ANK2: variants seen among roughly 807,000 people sequenced by gnomAD.
ANK2 encodes the protein ankyrin 2, also known as ankyrin-2.
Under a neutral mutation model 360.5 loss-of-function variants are expected in ANK2, and 83 were observed. The ratio of observed to expected loss-of-function variants is 0.23; its 90% CI spans 0.19 to 0.28. ANK2 has a LOEUF of 0.28. Among genes scored for constraint, ANK2 ranks in the 10% least tolerant of loss-of-function variants. The probability of loss-of-function intolerance (pLI) is 1.00; values close to 1 mark genes in which losing one functional copy is unlikely to be tolerated. For synonymous variants in ANK2, 1,740 were observed against 1,759.5 expected, an observed-to-expected ratio of 0.99 and a Z score of 0.28; for missense variants, 4,201 against 4,795.7, an observed-to-expected ratio of 0.88 and a Z score of 3.66.
In ANK2 at chr4:113,005,734, C is replaced by T. The variant is rs929779808; in HGVS notation, c.21+101220C>T. On this transcript the variant is annotated intron_variant, in intron 2 of 30. Coordinates refer to the ANK2 transcript ENST00000503271. ...TCCAAATCACATATTGAAATGTGAT[C>T]TGCAGTGTTGGAGGTGGGCCTAGTG... Among the ~76,000 whole-genome samples, 7 of 152,120 alleles carry T rather than the reference C, an allele frequency of 4.6e-5. 1 individual carries two copies. The highest frequency in any genetic ancestry group is 4.2e-4 in the South Asian group (2 of 4,812).
At chr4:112,949,231 A>C (rs914602942) in intron 2 of ANK2, among the ~76,000 whole-genome samples, 1 of 152,140 alleles carries the variant, frequency 6.6e-6, no homozygotes. Context: ...TAAAACTTGC[A>C]AACATCTCCA....
At chr4:112,857,581 C>A (rs2066758844) in intron 1 of ANK2, among the ~76,000 whole-genome samples, 1 of 152,092 alleles carries the variant, frequency 6.6e-6, no homozygotes. Flanking sequence ...ATATTCCAAG[C>A]CTTTCACACA....
chr4:112,947,187 T>G (rs1488957077), intron 2 of ANK2, among the ~76,000 whole-genome samples: 1 of 152,222 alleles, frequency 6.6e-6, no homozygotes, highest in Non-Finnish European at 1.5e-5. Flanking sequence ...TGTTATGCCC[T>G]TCAATGAATA....
the ANK2 span, among the ~76,000 whole-genome samples, chr4:112,751,643 G>A: frequency 6.6e-6 from 1 of 152,052 alleles, no homozygotes; most frequent in Non-Finnish European, 1.5e-5. Flanking sequence ...GAAGGGGGAA[G>A]CATAAGGAAA....
chr4:113,326,225 T>G (rs1400943940), intron 26 of ANK2, among the ~76,000 whole-genome samples: 1 of 152,190 alleles, frequency 6.6e-6, no homozygotes, highest in Non-Finnish European at 1.5e-5. Context: ...GTGGCACTTT[T>G]GGGTATTCTA....
intron 20 of ANK2, among the ~76,000 whole-genome samples, chr4:113,290,592 T>A (rs1264142713): frequency 6.6e-6 from 1 of 152,184 alleles, no homozygotes; most frequent in Non-Finnish European, 1.5e-5. Context: ...AAAAATTGTA[T>A]TTATTAAAGA....
intron 1 of ANK2, among the ~76,000 whole-genome samples, chr4:112,837,396 C>G (rs1159996566): frequency 6.6e-6 from 1 of 152,210 alleles, no homozygotes; most frequent in South Asian, 2.1e-4. Context: ...GCCCTCATGG[C>G]GAACCTCTGC....
At chr4:113,263,184 T>A (rs1240433458) in intron 13 of ANK2, among the ~76,000 whole-genome samples, 5 of 128,678 alleles carry the variant, frequency 3.9e-5, no homozygotes, top group Non-Finnish European at 7.9e-5. Flanking sequence ...CAAGACTCTG[T>A]CTGAAAAAAA....
chr4:113,359,405 G>T (rs1273975680), intron 38 of ANK2, 106 bp downstream of exon 38: 3 of 1,446,766 alleles, frequency 2.1e-6, no homozygotes, highest in Non-Finnish European at 2.8e-6. Flanking sequence ...TTTTCTTTAA[G>T]CTTTCTGTAG....
intron 2 of ANK2, among the ~76,000 whole-genome samples, chr4:113,176,347 A>G (rs1482461729): frequency 6.6e-6 from 1 of 152,240 alleles, no homozygotes; most frequent in African/African-American, 2.4e-5. Context: ...AGAACTTTAC[A>G]TAGTTCTTAA....
At chr4:113,287,900 C>A in intron 19 of ANK2, among the ~76,000 whole-genome samples, 197 bp downstream of exon 19, 1 of 152,232 alleles carries the variant, frequency 6.6e-6, no homozygotes, top group East Asian at 1.9e-4. Flanking sequence ...CAGTGGATAG[C>A]ATGAGGTCAG....
chr4:112,981,638 T>A (rs942708297), intron 2 of ANK2, among the ~76,000 whole-genome samples: 1 of 152,178 alleles, frequency 6.6e-6, no homozygotes, highest in African/African-American at 2.4e-5. Flanking sequence ...TTGACAAGAA[T>A]GTAGTGAATT....
rs748761434 is a variant in ANK2, at chr4:113,199,090, A to G, written c.365A>G (p.Asn122Ser). The G allele has an allele frequency of 3.7e-6, 6 of 1,611,096 alleles. No individual in the cohort carries two copies. The highest frequency in any genetic ancestry group is 1.1e-5 in the South Asian group (1 of 91,024). Residue 122 changes from asparagine to serine, a missense_variant, in exon 4 of 46, where the codon AAT (asparagine) becomes AGT (serine). Transcript: ENST00000357077. ...VVKVLVKEGA[N>S]INAQSQNGFT... The stretch of plus-strand genomic sequence containing the variant: ...AAAGTTCTTGTTAAGGAAGGAGCCA[A>G]TATTAATGCACAGTCTCAGGTATTC...
the ANK2 span, among the ~76,000 whole-genome samples, chr4:112,713,920 C>T: frequency 6.6e-5 from 9 of 136,444 alleles, no homozygotes; most frequent in South Asian, 4.8e-4. Flanking sequence ...GGCGACAGAG[C>T]GAGACTCCGT....
At chr4:113,268,671 C>T (rs933937741) in intron 14 of ANK2, among the ~76,000 whole-genome samples, 20 of 152,204 alleles carry the variant, frequency 1.3e-4, no homozygotes, top group Non-Finnish European at 1.8e-4. Flanking sequence ...TGAGGATTTT[C>T]GCATTGATGT....
rs529758377 is a variant in ANK2 at position 113,355,362 on chromosome 4, T to C, written c.6744T>C (p.Ser2248=). ...ETPETSPESL[S]FSPKKSEEQT... ...CTGAGACGAGCCCAGAAAGCCTTTC[T>C]TTCTCACCAAAGAAAAGTGAGGAGC... Residue 2248 remains serine, a synonymous_variant, in exon 38 of 46, where the codon TCT becomes TCC. Transcript: ENST00000357077. The C allele has an allele frequency of 8.2e-5, 133 of 1,613,986 alleles. 3 individuals are homozygous for C. In the South Asian group the frequency reaches 1.4e-3, roughly 17 times the overall value.
chr4:113,288,300 T>C, intron 19 of ANK2, 88 bp from the exon 20 acceptor site: 3 of 1,075,818 alleles, frequency 2.8e-6, no homozygotes, highest in South Asian at 2.6e-5. Flanking sequence ...ACTGATACTC[T>C]ACCCAGTCCT....
the ANK2 span, among the ~76,000 whole-genome samples, chr4:112,777,616 ATC>A: frequency 7.5e-6 from 1 of 133,234 alleles, no homozygotes; most frequent in East Asian, 2.3e-4. Context: ...TACATCTATA[ATC>A]TTTTTTTTTT....
the ANK2 span, among the ~76,000 whole-genome samples, chr4:112,810,421 C>A: frequency 6.6e-6 from 1 of 151,914 alleles, no homozygotes; most frequent in Non-Finnish European, 1.5e-5. Flanking sequence ...TCTGTTGGCC[C>A]CAGTGTGTTT....
Sources: allele counts gnomAD v4.1 joint callset (sites outside exome capture counted in the v4.1 genomes callset), GRCh38; gene constraint gnomAD v4.1.1; transcripts MANE v1.5; gene names NCBI Gene and HGNC (gene_info 2026-07-23, HGNC 2026-07-21).